Variants in TMEM120B observed in about 807,000 individuals in gnomAD.
The protein encoded by TMEM120B is transmembrane protein 120B.
Under a neutral mutation model 55.5 loss-of-function variants are expected in TMEM120B, and 31 were observed. The observed-to-expected ratio is 0.56, with a 90% confidence interval of 0.42 to 0.75. TMEM120B has a LOEUF of 0.75. Among genes scored for constraint, TMEM120B ranks in the 30% least tolerant of loss-of-function variants. The pLI is 0.00. For missense variants in TMEM120B, 399 were observed against 425.5 expected, an observed-to-expected ratio of 0.94 and a Z score of 0.55; for synonymous variants, 203 against 176.3, an observed-to-expected ratio of 1.15 and a Z score of -1.20.
At chr12:121,725,119 T>G (rs1266715545) in intron 1 of TMEM120B, among the ~76,000 whole-genome samples, 1 of 152,166 alleles carries the variant, frequency 6.6e-6, no homozygotes, top group Non-Finnish European at 1.5e-5. Flanking sequence ...TTTGTTCTGA[T>G]TTGGGTATTC....
In TMEM120B at chr12:121,775,273, G is replaced by T; in HGVS notation, c.906+143G>T. 1.8e-6 allele frequency: 2 copies of T among 1,095,954 alleles called. No homozygotes were observed. Among genetic ancestry groups the T allele is most frequent in the Middle Eastern group, 3.0e-4 (1 of 3,352 alleles). The allele number at this position is 1,095,954 out of a possible 1,614,324, so 67.9% of individuals were successfully genotyped here. ...GTGGGGGTGGGGTGTGTGCGTGTGT[G>T]TGGTGTGCTGTGGGGAGGTTCCTGG... On this transcript the variant is annotated intron_variant, in intron 11 of 11. Transcript: ENST00000449592. The surrounding 1 kb of genome is among the most constrained non-coding windows in gnomAD (Gnocchi z 4.3).
intron 9 of TMEM120B, among the ~76,000 whole-genome samples, chr12:121,774,071 T>C (rs1874156044): frequency 6.8e-6 from 1 of 147,666 alleles, no homozygotes; most frequent in Non-Finnish European, 1.5e-5. Flanking sequence ...TTCTCCCGCC[T>C]CAGCCTCCTG....
chr12:121,750,516 A>G, intron 4 of TMEM120B, 77 bp downstream of exon 4: 2 of 1,083,552 alleles, frequency 1.8e-6, no homozygotes, highest in Non-Finnish European at 2.7e-6. Context: ...CAAACCCCAC[A>G]CTGAGAACCC....
At chr12:121,715,172 C>A (rs1399070815) in intron 1 of TMEM120B, among the ~76,000 whole-genome samples, 1 of 151,904 alleles carries the variant, frequency 6.6e-6, no homozygotes, top group Non-Finnish European at 1.5e-5. Flanking sequence ...CCTGTCTCTA[C>A]TAAAAATGCA....
chr12:121,726,059 A>AAAC (rs1894884581), intron 1 of TMEM120B, among the ~76,000 whole-genome samples: 1 of 151,186 alleles, frequency 6.6e-6, no homozygotes, highest in Non-Finnish European at 1.5e-5. Context: ...CAAAAAAAAA[A>AAAC]CCACCTCTGG....
At chr12:121,753,005 G>A (rs1873375183) in intron 5 of TMEM120B, among the ~76,000 whole-genome samples, 1 of 152,100 alleles carries the variant, frequency 6.6e-6, no homozygotes, top group Admixed American at 6.6e-5. Context: ...CACTTTGGGA[G>A]GCTGAGATGG....
chr12:121,730,455 G>C (rs1305220636), intron 1 of TMEM120B, among the ~76,000 whole-genome samples: 7 of 140,820 alleles, frequency 5.0e-5, no homozygotes, highest in Non-Finnish European at 9.2e-5. Context: ...GACCATCCTG[G>C]CCAATATGGT....
In TMEM120B at chr12:121,762,238, A is replaced by C. The variant is rs1394334106; in HGVS notation, c.551+500A>C. ...CAGTGAGCTGAGATCGCACCATTGC[A>C]CTCCAGCCCAGGGACAATGCAGGAC... On this transcript the variant is annotated intron_variant, in intron 6 of 11. Transcript: ENST00000449592. Among the ~76,000 whole-genome samples the C allele has an allele frequency of 4.7e-5, 7 of 149,110 alleles. No individual in the cohort carries two copies. The East Asian group carries it at 5.9e-4, about 13-fold the overall frequency.
At chr12:121,752,031 GGCTGAAGGACAA>G (rs1873346701) in intron 4 of TMEM120B, 85 bp from the exon 5 acceptor site, 2 of 989,440 alleles carry the variant, frequency 2.0e-6, no homozygotes, top group Non-Finnish European at 3.1e-6. Flanking sequence ...CCATGGCAGT[GGCTGAAGGACAA>G]GGGTCTGATG....
chr12:121,764,987 G>T (rs1156917884), intron 6 of TMEM120B, among the ~76,000 whole-genome samples: 5 of 152,132 alleles, frequency 3.3e-5, no homozygotes, highest in Non-Finnish European at 7.4e-5. Flanking sequence ...GTGTGAGTCT[G>T]CTCTACCCTC....
intron 1 of TMEM120B, among the ~76,000 whole-genome samples, chr12:121,714,152 T>C (rs1375589240): frequency 1.3e-5 from 2 of 152,172 alleles, no homozygotes; most frequent in Non-Finnish European, 2.9e-5. Flanking sequence ...CTGTCCAGCA[T>C]GTGTAGGTTG....
intron 2 of TMEM120B, among the ~76,000 whole-genome samples, chr12:121,746,201 T>C (rs1242776354): frequency 1.3e-5 from 2 of 150,408 alleles, no homozygotes; most frequent in East Asian, 4.0e-4. Context: ...TTTTTTTTTT[T>C]TTTGAGACAG....
intron 1 of TMEM120B, among the ~76,000 whole-genome samples, chr12:121,737,173 A>G (rs986233964): frequency 4.6e-5 from 7 of 152,116 alleles, no homozygotes; most frequent in African/African-American, 1.7e-4. Flanking sequence ...CTGCCTCTCT[A>G]TGTGAGGCAT....
intron 6 of TMEM120B, among the ~76,000 whole-genome samples, chr12:121,766,802 A>G (rs1350761532): frequency 2.0e-5 from 3 of 152,216 alleles, no homozygotes. Flanking sequence ...GATGTCTATT[A>G]CAGTTAGTTC....
At chr12:121,735,484 C>T (rs1336289065) in intron 1 of TMEM120B, among the ~76,000 whole-genome samples, 6 of 151,760 alleles carry the variant, frequency 4.0e-5, no homozygotes, top group East Asian at 2.0e-4. Context: ...CTGCAACCTC[C>T]GCGTCCTGGG....
chr12:121,714,121 G>A (rs555926014), intron 1 of TMEM120B, among the ~76,000 whole-genome samples: 3 of 152,142 alleles, frequency 2.0e-5, no homozygotes, highest in Non-Finnish European at 4.4e-5. Context: ...TAGAGGGGAA[G>A]GGACCTAGAC....
chr12:121,779,481 G>A lies in TMEM120B; in HGVS notation c.*3759G>A. ...CCGGGCCCTGTCAGTGCTGTCGTGA[G>A]GTCTGTCTGCCCTGGGTCAGAGCAG... On this transcript the variant is annotated 3_prime_UTR_variant, in exon 12 of 12. Coordinates refer to ENST00000449592, the MANE Select transcript of TMEM120B (RefSeq NM_001080825.2). 1 of 1,609,482 alleles carries A rather than the reference G, an allele frequency of 6.2e-7. No homozygotes were observed. Among genetic ancestry groups the A allele is most frequent in the Non-Finnish European group, 8.5e-7 (1 of 1,179,742 alleles).
rs750974830 is a variant in TMEM120B, at chr12:121,775,019, C to G, written c.838-43C>G. The stretch of plus-strand genomic sequence containing the variant: ...CACCCTGGCTTTCTACGTGGCCGGC[C>G]AGGGGAGTCTGGTGGGTGAGCAGCG... On this transcript the variant is annotated intron_variant, in intron 10 of 11. Coordinates refer to ENST00000449592, the MANE Select transcript of TMEM120B (RefSeq NM_001080825.2). This position sits in a 1 kb window ranked among gnomAD's most constrained non-coding sequence, Gnocchi z 4.3. 6.2e-7 allele frequency: 1 copy of G among 1,609,930 alleles called. No individual in the cohort carries two copies. Among genetic ancestry groups the G allele is most frequent in the South Asian group, 1.1e-5 (1 of 90,676 alleles).
chr12:121,766,131 G>T (rs540639449), intron 6 of TMEM120B, among the ~76,000 whole-genome samples: 5 of 152,222 alleles, frequency 3.3e-5, no homozygotes, highest in African/African-American at 1.2e-4. Context: ...TTGTCTGATG[G>T]AGGCGCTTTT....
Sources: allele counts gnomAD v4.1 joint callset (sites outside exome capture counted in the v4.1 genomes callset), GRCh38; gene constraint gnomAD v4.1.1; non-coding constraint Gnocchi (gnomAD v3.1); transcripts MANE v1.5; gene names NCBI Gene and HGNC (gene_info 2026-07-23, HGNC 2026-07-21).